Variants in PHF3 observed in about 807,000 individuals in gnomAD.
PHF3 encodes the protein PHD finger protein 3.
PHF3 carries 41 observed loss-of-function variants against 178.4 expected under a neutral mutation model. That is an observed-to-expected ratio of 0.23 (90% CI 0.18 to 0.30). The LOEUF is 0.30. Among genes scored for constraint, PHF3 ranks in the 10% least tolerant of loss-of-function variants. The pLI is 1.00. For missense variants in PHF3, 2,346 were observed against 2,398.1 expected, an observed-to-expected ratio of 0.98 and a Z score of 0.45; for synonymous variants, 842 against 800.5, an observed-to-expected ratio of 1.05 and a Z score of -0.88.
At chr6:63,661,993 C>T (rs554809441) in intron 2 of PHF3, among the ~76,000 whole-genome samples, 4 of 152,276 alleles carry the variant, frequency 2.6e-5, no homozygotes, top group Admixed American at 2.6e-4. Context: ...GGCCAGTGAG[C>T]ATTACCGCTT....
intron 2 of PHF3, among the ~76,000 whole-genome samples, chr6:63,676,201 C>G (rs1766157538): frequency 6.6e-6 from 1 of 152,138 alleles, no homozygotes; most frequent in Admixed American, 6.6e-5. Context: ...TTCTTTTATT[C>G]AGCAAATATT....
rs891001327 is a variant in PHF3, at chr6:63,717,873, T to G, written c.*4165T>G. 1.3e-5 allele frequency among the ~76,000 whole-genome samples: 2 copies of G among 152,002 alleles called. No individual in the cohort carries two copies. The highest frequency in any genetic ancestry group is 4.8e-5 in the African/African-American group (2 of 41,422). Reference sequence around the variant, plus strand: ...ATTATTTATAAGGAGACCAAAAAGGTAAATATTACTGCACCTTATTTTTAA... The same window carrying G: ...ATTATTTATAAGGAGACCAAAAAGGGAAATATTACTGCACCTTATTTTTAA... On this transcript the variant is annotated 3_prime_UTR_variant, in exon 16 of 16. Coordinates refer to ENST00000262043, the MANE Select transcript of PHF3 (RefSeq NM_001370348.2).
intron 2 of PHF3, among the ~76,000 whole-genome samples, chr6:63,647,732 T>G (rs1390307669): frequency 6.6e-6 from 1 of 152,118 alleles, no homozygotes; most frequent in Admixed American, 6.5e-5. Context: ...TAAAAAACAG[T>G]TTTTCTTTTA....
In PHF3 at chr6:63,711,247, C is replaced by T. The variant is rs1767914745; in HGVS notation, c.3882C>T (p.Ser1294=). The T allele has an allele frequency of 6.2e-7, 1 of 1,613,454 alleles. No homozygotes were observed. Among genetic ancestry groups the T allele is most frequent in the Non-Finnish European group, 8.5e-7 (1 of 1,179,570 alleles). ...SYTLLFAYFS[S]RKRYGVAANN... ...CTTTGCTCTTTGCATACTTCAGTAG[C>T]AGAAAGCGCTATGGAGTAGCTGCTA... The change falls in exon 15 of 16, where the codon AGC becomes AGT. Residue 1294 remains serine, a synonymous_variant. Transcript: ENST00000262043.
chr6:63,668,217 G>C (rs1765760575), intron 2 of PHF3, among the ~76,000 whole-genome samples: 1 of 152,220 alleles, frequency 6.6e-6, no homozygotes, highest in Admixed American at 6.5e-5. Context: ...AGGCAGATTA[G>C]AAGGAAAGAA....
chr6:63,641,337 C>T (rs968198371), intron 1 of PHF3, among the ~76,000 whole-genome samples: 1 of 152,118 alleles, frequency 6.6e-6, no homozygotes. Flanking sequence ...CCCATCACCA[C>T]CACCATCACT....
At chr6:63,699,908 G>A (rs1247015841) in intron 8 of PHF3, among the ~76,000 whole-genome samples, 1 of 152,092 alleles carries the variant, frequency 6.6e-6, no homozygotes, top group Non-Finnish European at 1.5e-5. Flanking sequence ...TTTCTTTCAG[G>A]TTTCTTTCTT....
chr6:63,719,495 A>G lies in PHF3; in HGVS notation c.*5787A>G, dbSNP rs138131158. Among the ~76,000 whole-genome samples, 798 of 152,224 alleles carry G rather than the reference A, an allele frequency of 5.2e-3. 5 individuals are homozygous for G. The highest frequency in any genetic ancestry group is 0.018 in the African/African-American group (758 of 41,574). On this transcript the variant is annotated 3_prime_UTR_variant, in exon 16 of 16. Coordinates refer to ENST00000262043, the MANE Select transcript of PHF3 (RefSeq NM_001370348.2). ...TTGCCAAGTGGCAAAATTATCACAG[A>G]TATCAAACTCAGAAAATGTCAGGTA...
intron 12 of PHF3, 25 bp from the exon 13 acceptor site, chr6:63,706,704 T>C (rs1767708863): frequency 3.1e-6 from 5 of 1,609,950 alleles, no homozygotes; most frequent in East Asian, 4.5e-5. Flanking sequence ...AGCTTGTCTT[T>C]AGGCTTTTTA....
chr6:63,724,758 G>C lies in PHF3; in HGVS notation c.*11050G>C, dbSNP rs1768547760. ...TACTCAAATTATTAACCTCTAAAGA[G>C]ATACAGAAACCATGTTAATTTAGAA... On this transcript the variant is annotated 3_prime_UTR_variant, in exon 16 of 16. Transcript: ENST00000262043. Among the ~76,000 whole-genome samples, 1 of 152,082 alleles carries C rather than the reference G, an allele frequency of 6.6e-6. No homozygotes were observed.
At chr6:63,694,466 C>A (rs1433024088) in intron 5 of PHF3, 115 bp from the exon 6 acceptor site, 1 of 716,638 alleles carries the variant, frequency 1.4e-6, no homozygotes, top group African/African-American at 1.8e-5. Flanking sequence ...GAATAGATTT[C>A]GAATGAAAGA....
rs1010947591 is a variant in PHF3 at position 63,719,583 on chromosome 6, G to A, written c.*5875G>A. Among the ~76,000 whole-genome samples, 1 of 151,968 alleles carries A rather than the reference G, an allele frequency of 6.6e-6. No homozygotes were observed. The highest frequency in any genetic ancestry group is 2.4e-5 in the African/African-American group (1 of 41,412). ...ACTGGGAGTGGGAAGTGAAAGTTCT[G>A]TTCACAATTGTATCAGTAACTGTTT... On this transcript the variant is annotated 3_prime_UTR_variant, in exon 16 of 16. Transcript: ENST00000262043.
chr6:63,707,026 A>T (rs1014384704), intron 13 of PHF3, 150 bp downstream of exon 13: 5 of 700,034 alleles, frequency 7.1e-6, no homozygotes, highest in African/African-American at 1.8e-5. Context: ...TGAATTAACA[A>T]ATGGATCTTT....
chr6:63,674,755 CCCT>C (rs1306082814), intron 2 of PHF3, among the ~76,000 whole-genome samples: 1 of 152,090 alleles, frequency 6.6e-6, no homozygotes, highest in African/African-American at 2.4e-5. Context: ...GTTCTTTTCC[CCCT>C]CAAGTCTGGT....
chr6:63,688,931 TATC>T (rs1766873338), intron 4 of PHF3, among the ~76,000 whole-genome samples: 4 of 152,240 alleles, frequency 2.6e-5, no homozygotes. Flanking sequence ...ATAAACGCTT[TATC>T]ATTTTACGTA....
Position 63,713,549 on chromosome 6 carries a change from A to G in PHF3, c.5961A>G (p.Arg1987=), listed in dbSNP as rs1443460115. Residue 1987 remains arginine, a synonymous_variant, in exon 16 of 16, where the codon AGA becomes AGG. Coordinates refer to ENST00000262043, the MANE Select transcript of PHF3 (RefSeq NM_001370348.2). ...GDRGTDGKAS[R]DSRNVDKKPD... is the part of the protein sequence containing the mutation. ...GAGGAACAGATGGAAAAGCAAGCAGAGATAGTAGGAATGTAGACAAGAAGC... is the reference window on the plus strand; with the variant it reads ...GAGGAACAGATGGAAAAGCAAGCAGGGATAGTAGGAATGTAGACAAGAAGC... The G allele has an allele frequency of 6.2e-7, 1 of 1,613,720 alleles. No individual in the cohort carries two copies.
At position 63,716,089 on chromosome 6, in the gene PHF3, A is replaced by G. The variant is rs1001794847; in HGVS notation, c.*2381A>G. Among the ~76,000 whole-genome samples the G allele has an allele frequency of 3.3e-5, 5 of 152,150 alleles. No homozygotes were observed. Among genetic ancestry groups the G allele is most frequent in the African/African-American group, 1.2e-4 (5 of 41,438 alleles). On this transcript the variant is annotated 3_prime_UTR_variant, in exon 16 of 16. Transcript: ENST00000262043. ...CATGTAATCTTTGTGGCAATCAGAA[A>G]GCCTCCTTGAGCCCTCTGTAAGGCA...
chr6:63,725,294 AGTGT>A lies in PHF3; in HGVS notation c.*11589_*11592del, dbSNP rs1413584409. ...GTGCTCTTGCCCTCCTATGTGTATT[AGTGT>A]GTATGAGCTTTATATTTCATATACA... is the stretch of plus-strand genomic sequence containing the variant. On this transcript the variant is annotated 3_prime_UTR_variant, in exon 16 of 16. Coordinates refer to ENST00000262043, the MANE Select transcript of PHF3 (RefSeq NM_001370348.2). 2.0e-5 allele frequency among the ~76,000 whole-genome samples: 3 copies of A among 152,020 alleles called. No individual in the cohort carries two copies. Among genetic ancestry groups the A allele is most frequent in the African/African-American group, 7.2e-5 (3 of 41,420 alleles).
At position 63,685,120 on chromosome 6, in the gene PHF3, C is replaced by A; in HGVS notation, c.1398C>A (p.Asn466Lys). The change falls in exon 4 of 16, where the codon AAC becomes AAA. Residue 466 changes from asparagine (N) to lysine (K), a missense_variant. Physicochemically the swap from Asn to Lys is moderately conservative, Grantham distance 94. Around this residue, in one of 8 missense-constraint regions of PHF3, gnomAD observed 843 missense variants for 795.2 expected, o/e 1.06. Coordinates refer to ENST00000262043, the MANE Select transcript of PHF3 (RefSeq NM_001370348.2). ...AAATAGAGTCCCATGAAACAGCAAA[C>A]CTTCAGGATGACAGAAACAGCCAGT... ...STKIESHETANLQDDRNSQSS... is the reference protein window; with the variant it reads ...STKIESHETAKLQDDRNSQSS... 9.9e-6 allele frequency: 16 copies of A among 1,613,966 alleles called. No homozygotes were observed. The highest frequency in any genetic ancestry group is 1.4e-5 in the Non-Finnish European group (16 of 1,179,976).
Sources: gnomAD v4.1 joint callset for allele counts (sites outside exome capture counted in the v4.1 genomes callset) on GRCh38, gnomAD v4.1.1 for gene constraint, gnomAD v4.1.1 regional missense constraint, MANE v1.5 for transcripts, NCBI Gene and HGNC (gene_info 2026-07-23, HGNC 2026-07-21) for gene names.